GNE: variants seen among roughly 807,000 people sequenced by gnomAD.
GNE encodes the protein bifunctional UDP-N-acetylglucosamine 2-epimerase/N-acetylmannosamine kinase.
A neutral mutation model predicts 61.8 loss-of-function variants in GNE; 41 were observed. That is an observed-to-expected ratio of 0.66 (90% CI 0.52 to 0.86). GNE has a LOEUF of 0.86. GNE is among the 40% of genes least tolerant of loss of function. GNE has a pLI of 0.00. For synonymous variants in GNE, 264 were observed against 326.4 expected (o/e 0.81, Z 2.06); for missense variants, 608 against 909.1 (o/e 0.67, Z 4.26).
chr9:36,233,043 C>G (rs1829241331), intron 5 of GNE, among the ~76,000 whole-genome samples: 1 of 152,166 alleles, frequency 6.6e-6, no homozygotes, highest in Non-Finnish European at 1.5e-5. Context: ...GGAGAAAGAG[C>G]AGAGCTAGAA....
At chr9:36,239,924 CTGT>C (rs879740391) in intron 3 of GNE, among the ~76,000 whole-genome samples, 17 of 150,912 alleles carry the variant, frequency 1.1e-4, no homozygotes, top group Non-Finnish European at 2.2e-4. Context: ...AATTTTGCAG[CTGT>C]TGTAATAGGG....
intron 1 of GNE, chr9:36,265,397 G>A (rs1282738850): frequency 4.4e-6 from 2 of 456,474 alleles, no homozygotes; most frequent in Non-Finnish European, 8.8e-6. Flanking sequence ...GTAACATTGT[G>A]ATGTCTGCCA....
At chr9:36,262,640 A>G (rs1020103191), upstream of GNE, among the ~76,000 whole-genome samples, 7 of 152,214 alleles carry the variant, frequency 4.6e-5, no homozygotes, top group Non-Finnish European at 8.8e-5. Flanking sequence ...AGATTACTCC[A>G]TAAGCATAAA....
chr9:36,234,155 T>C (rs373954550), intron 4 of GNE, 23 bp from the exon 5 acceptor site: 185 of 1,569,892 alleles, frequency 1.2e-4, no homozygotes, highest in Admixed American at 1.7e-4. Context: ...AAAGAACCAA[T>C]TGGTAAATGG....
intron 1 of GNE, among the ~76,000 whole-genome samples, chr9:36,255,450 G>A (rs1052052153): frequency 4.6e-5 from 7 of 152,096 alleles, no homozygotes; most frequent in African/African-American, 1.7e-4. Context: ...CAAGTCATCT[G>A]CCTTGGCCTT....
intron 6 of GNE, among the ~76,000 whole-genome samples, chr9:36,227,900 G>T (rs1043005658): frequency 3.3e-5 from 5 of 152,032 alleles, no homozygotes; most frequent in Non-Finnish European, 5.9e-5. Context: ...GCCAGGCGTT[G>T]TGGGTGCCTG....
chr9:36,223,021 G>T, intron 8 of GNE, 23 bp from the exon 9 acceptor site: 1 of 1,598,044 alleles, frequency 6.3e-7, no homozygotes, highest in Non-Finnish European at 8.6e-7. Flanking sequence ...ACAAACACAA[G>T]GAAATAATGC....
chr9:36,251,574 C>T (rs1031674555), intron 1 of GNE, among the ~76,000 whole-genome samples: 3 of 152,120 alleles, frequency 2.0e-5, no homozygotes, highest in Non-Finnish European at 4.4e-5. Context: ...CAGGCATACA[C>T]CACTGAGCCA....
rs991068031 is a variant in GNE at position 36,216,367 on chromosome 9, G to C, written c.*998C>G. 67 of 391,272 alleles carry C rather than the reference G, an allele frequency of 1.7e-4. No homozygotes were observed. The highest frequency in any genetic ancestry group is 1.6e-5 in the Non-Finnish European group (3 of 184,618). The allele number at this position is 391,272 out of a possible 1,614,324, so 24.2% of individuals were successfully genotyped here. A position where few individuals can be genotyped will look rare whatever the true frequency, so the allele number is the denominator to read the frequency against. On this transcript the variant is annotated 3_prime_UTR_variant, in exon 12 of 12. Transcript: ENST00000642385. ...TGTGTGTGTGTGTAGACGGAGTCTC[G>C]CTCTGTCACCCAGGGTGGAGTGCAG...
chr9:36,269,664 C>T (rs371029960), intron 1 of GNE, among the ~76,000 whole-genome samples: 1,387 of 134,296 alleles, frequency 0.01, 19 homozygotes, highest in Non-Finnish European at 0.015. Context: ...TTTCTTCTTT[C>T]TTTTTTTTTT....
chr9:36,243,486 G>C (rs777896391), intron 3 of GNE, among the ~76,000 whole-genome samples: 2 of 152,140 alleles, frequency 1.3e-5, no homozygotes, highest in Non-Finnish European at 2.9e-5. Context: ...GAGACAGAAG[G>C]TTGTTCCACC....
At chr9:36,244,202 C>A (rs1829768681) in intron 3 of GNE, among the ~76,000 whole-genome samples, 1 of 152,034 alleles carries the variant, frequency 6.6e-6, no homozygotes, top group Non-Finnish European at 1.5e-5. Context: ...TAGGCTCAAG[C>A]AATACTCCCA....
intron 3 of GNE, among the ~76,000 whole-genome samples, chr9:36,243,214 T>C (rs866680340): frequency 5.9e-5 from 9 of 152,202 alleles, no homozygotes; most frequent in Middle Eastern, 3.4e-3. Context: ...CCGGCTGATT[T>C]TTGTATTTTT....
At chr9:36,245,646 C>G (rs1164966182) in intron 3 of GNE, among the ~76,000 whole-genome samples, 1 of 152,050 alleles carries the variant, frequency 6.6e-6, no homozygotes, top group Non-Finnish European at 1.5e-5. Flanking sequence ...TGCACTCCAG[C>G]CTAGGCAACA....
chr9:36,216,636 G>C lies in GNE; in HGVS notation c.*729C>G. On this transcript the variant is annotated 3_prime_UTR_variant, in exon 12 of 12. Coordinates refer to ENST00000642385, the MANE Select transcript of GNE (RefSeq NM_005476.7). Reference sequence around the variant, plus strand: ...AGGCGTGAGCCACTGCGCCCAGCTGGAAGGATTATTATTATTATTATTATT... The same window carrying C: ...AGGCGTGAGCCACTGCGCCCAGCTGCAAGGATTATTATTATTATTATTATT... 1 of 114,662 alleles carries C rather than the reference G, an allele frequency of 8.7e-6. No homozygotes were observed. The highest frequency in any genetic ancestry group is 2.3e-4 in the East Asian group (1 of 4,334). The allele number at this position is 114,662 out of a possible 1,614,324, so 7.1% of individuals were successfully genotyped here. A position where few individuals can be genotyped will look rare whatever the true frequency, so the allele number is the denominator to read the frequency against.
chr9:36,274,388 G>T (rs574799248), intron 1 of GNE, among the ~76,000 whole-genome samples: 4 of 152,198 alleles, frequency 2.6e-5, no homozygotes, highest in African/African-American at 9.6e-5. Context: ...GAGCCATTGT[G>T]TCAGGCTCTT....
intron 2 of GNE, among the ~76,000 whole-genome samples, chr9:36,246,809 C>T (rs1198683830): frequency 6.6e-6 from 1 of 151,698 alleles, no homozygotes; most frequent in African/African-American, 2.4e-5. Flanking sequence ...GCTGGGATTA[C>T]AGGCATGTAC....
Position 36,215,902 on chromosome 9 carries a change from G to A in GNE, c.*1463C>T, listed in dbSNP as rs1475580406. 1 of 179,874 alleles carries A rather than the reference G, an allele frequency of 5.6e-6. No homozygotes were observed. Among genetic ancestry groups the A allele is most frequent in the African/African-American group, 2.4e-5 (1 of 42,410 alleles). 11.1% of individuals were successfully genotyped at this position (179,874 alleles called of 1,614,324 possible). A position where few individuals can be genotyped will look rare whatever the true frequency, so the allele number is the denominator to read the frequency against. ...ACAGTATGAAAGGCTACTGAAGGAA[G>A]AAGTGTCTGCTGGTCAGTAGCAAAG... is the stretch of plus-strand genomic sequence containing the variant. On this transcript the variant is annotated 3_prime_UTR_variant, in exon 12 of 12. Transcript: ENST00000642385.
In GNE at chr9:36,233,675, AAAAAG is replaced by A. The variant is rs980098895; in HGVS notation, c.982+240_982+244del. On this transcript the variant is annotated intron_variant, in intron 5 of 11. Transcript: ENST00000642385. ...GAGCGAGACTCCATCTCAAAAAAAA[AAAAAG>A]AAAGAACCACTTAGTGCTAATTGAT... Among the ~76,000 whole-genome samples the A allele has an allele frequency of 2.0e-5, 3 of 152,326 alleles. No homozygotes were observed. In the South Asian group the frequency reaches 6.2e-4, roughly 32 times the overall value.
Sources: allele counts gnomAD v4.1 joint callset (sites outside exome capture counted in the v4.1 genomes callset), GRCh38; gene constraint gnomAD v4.1.1; transcripts MANE v1.5; gene names NCBI Gene and HGNC (gene_info 2026-07-23, HGNC 2026-07-21).